Variants in TBC1D14 observed in about 807,000 individuals in gnomAD.
TBC1D14 encodes the protein TBC1 domain family, member 14.
In TBC1D14, 26 loss-of-function variants were observed where a neutral mutation model predicts 79.0. The observed-to-expected ratio is 0.33, with a 90% CI of 0.24 to 0.46. The LOEUF (loss-of-function observed/expected upper bound fraction) is 0.46, where lower values mean the gene tolerates loss of function less well. Ranked by LOEUF, TBC1D14 falls within the 20% of genes least tolerant of loss-of-function variation. The pLI, the probability that TBC1D14 is intolerant of heterozygous loss-of-function variation, is 1.00. For missense variants in TBC1D14, 769 were observed against 887.6 expected (o/e 0.87, Z 1.70); for synonymous variants, 394 against 349.9 (o/e 1.13, Z -1.40).
At chr4:6,996,487 G>A in intron 5 of TBC1D14, 80 bp downstream of exon 5, 1 of 1,121,980 alleles carries the variant, frequency 8.9e-7, no homozygotes, top group Non-Finnish European at 1.3e-6. Flanking sequence ...TTTACCATTT[G>A]GAGTCATAGA....
At chr4:7,011,426 T>C (rs915798065) in intron 11 of TBC1D14, among the ~76,000 whole-genome samples, 7 of 152,140 alleles carry the variant, frequency 4.6e-5, no homozygotes, top group African/African-American at 1.2e-4. Flanking sequence ...AGGGACTCGT[T>C]CAAGGCATGC....
chr4:7,026,858 CTG>C (rs1722425468), intron 13 of TBC1D14, among the ~76,000 whole-genome samples: 1 of 152,188 alleles, frequency 6.6e-6, no homozygotes, highest in Admixed American at 6.5e-5. Context: ...GATTGCGGCA[CTG>C]TGCTTCAGCC....
At chr4:6,999,248 CT>C in intron 6 of TBC1D14, 46 bp downstream of exon 6, 1 of 1,541,984 alleles carries the variant, frequency 6.5e-7, no homozygotes, top group Non-Finnish European at 9.0e-7. Flanking sequence ...GCATGTCTTT[CT>C]AGAATCTGTG....
chr4:7,025,313 G>A (rs376176765), intron 13 of TBC1D14, 51 bp downstream of exon 13: 15 of 1,607,240 alleles, frequency 9.3e-6, no homozygotes, highest in African/African-American at 6.7e-5. Flanking sequence ...GGCAAGTGGC[G>A]CGACTCAGGA....
chr4:6,986,556 G>A (rs531480744), intron 3 of TBC1D14, among the ~76,000 whole-genome samples: 95 of 152,294 alleles, frequency 6.2e-4, no homozygotes, highest in African/African-American at 2.2e-3. Flanking sequence ...GGAGATCTGC[G>A]GGGGGAGCCT....
chr4:6,977,957 C>T, intron 3 of TBC1D14, among the ~76,000 whole-genome samples: 1 of 150,374 alleles, frequency 6.7e-6, no homozygotes, highest in African/African-American at 2.5e-5. Context: ...AGGAGACCCT[C>T]TGCCTGGCAA....
In TBC1D14 at chr4:6,914,832, A is replaced by G. The variant is rs554641535; in HGVS notation, c.-18+4881A>G. On this transcript the variant is annotated intron_variant, in intron 1 of 13. Transcript: ENST00000409757. ...AGGCAGGCGATCACTTGAGGTCAGG[A>G]GTTTGAGACTAGCCTGGCCAACAGG... Among the ~76,000 whole-genome samples the G allele has an allele frequency of 2.0e-5, 3 of 152,234 alleles. No individual in the cohort carries two copies. In the South Asian group the frequency reaches 6.2e-4, roughly 32 times the overall value.
chr4:6,949,694 A>AAAAG (rs1713842743), intron 2 of TBC1D14, among the ~76,000 whole-genome samples: 1 of 151,536 alleles, frequency 6.6e-6, no homozygotes, highest in African/African-American at 2.4e-5. Flanking sequence ...AAAAAAAAAA[A>AAAAG]AAATTGAATC....
chr4:6,948,740 C>A (rs1241149583), intron 2 of TBC1D14, among the ~76,000 whole-genome samples: 1 of 148,618 alleles, frequency 6.7e-6, no homozygotes, highest in Admixed American at 6.7e-5. Context: ...GAGTCTGTCA[C>A]CCAGGCTGGA....
At chr4:7,013,860 C>T (rs1332982918) in intron 11 of TBC1D14, among the ~76,000 whole-genome samples, 2 of 152,136 alleles carry the variant, frequency 1.3e-5, no homozygotes, top group African/African-American at 4.8e-5. Context: ...TCTCCTGCCT[C>T]AGCCTCCCGA....
At chr4:6,914,980 G>T (rs1306634848) in intron 1 of TBC1D14, among the ~76,000 whole-genome samples, 1 of 152,214 alleles carries the variant, frequency 6.6e-6, no homozygotes, top group East Asian at 1.9e-4. Flanking sequence ...CGGAGGTTGT[G>T]GTGAGCCCAG....
intron 12 of TBC1D14, among the ~76,000 whole-genome samples, chr4:7,018,881 A>G (rs989474026): frequency 6.6e-6 from 1 of 152,252 alleles, no homozygotes; most frequent in African/African-American, 2.4e-5. Flanking sequence ...AGAATTATCT[A>G]GAGGTGTGAG....
chr4:6,922,984 T>C (rs1035065864), intron 1 of TBC1D14, among the ~76,000 whole-genome samples: 1 of 152,150 alleles, frequency 6.6e-6, no homozygotes, highest in Non-Finnish European at 1.5e-5. Context: ...GTGGATTGCT[T>C]GAGGTCAGGA....
intron 2 of TBC1D14, among the ~76,000 whole-genome samples, chr4:6,958,683 C>T (rs1012295921): frequency 2.0e-5 from 3 of 152,232 alleles, no homozygotes; most frequent in Non-Finnish European, 4.4e-5. Context: ...GATCCACCCA[C>T]CTTGGCCTAC....
chr4:7,008,379 G>A (rs1400065674), intron 9 of TBC1D14, among the ~76,000 whole-genome samples: 1 of 152,206 alleles, frequency 6.6e-6, no homozygotes, highest in African/African-American at 2.4e-5. Flanking sequence ...GGGGGAGAGT[G>A]GAGAACTGTG....
intron 3 of TBC1D14, among the ~76,000 whole-genome samples, chr4:6,979,033 A>G (rs1343187801): frequency 2.6e-5 from 4 of 152,208 alleles, no homozygotes; most frequent in Admixed American, 2.6e-4. Flanking sequence ...TTGAAGTAGT[A>G]AAATACTGAT....
chr4:6,952,012 TGTC>T (rs1714087664), intron 2 of TBC1D14, among the ~76,000 whole-genome samples: 1 of 152,170 alleles, frequency 6.6e-6, no homozygotes. Flanking sequence ...GATAGGCTGT[TGTC>T]GTGGTTATGC....
intron 11 of TBC1D14, 42 bp downstream of exon 11, chr4:7,010,823 A>G (rs1720687572): frequency 1.9e-6 from 3 of 1,589,464 alleles, no homozygotes; most frequent in South Asian, 2.3e-5. Flanking sequence ...CTGTGTCTTT[A>G]AATGTCAAGA....
chr4:7,007,685 C>A, intron 9 of TBC1D14: 2 of 1,091,372 alleles, frequency 1.8e-6, no homozygotes, highest in Non-Finnish European at 2.4e-6. Context: ...TAGCTGGGAG[C>A]CTGTTTCCTG....
Sources: allele counts gnomAD v4.1 joint callset (sites outside exome capture counted in the v4.1 genomes callset), GRCh38; gene constraint gnomAD v4.1.1; transcripts MANE v1.5; gene names NCBI Gene and HGNC (gene_info 2026-07-23, HGNC 2026-07-21).